ZER1: variants seen among roughly 807,000 people sequenced by gnomAD.
The protein encoded by ZER1 is zyg-11 related cell cycle regulator, also known as protein zer-1 homolog.
A neutral mutation model predicts 78.8 loss-of-function variants in ZER1; 11 were observed. The observed-to-expected ratio is 0.14, with a 90% CI of 0.09 to 0.23. The LOEUF (loss-of-function observed/expected upper bound fraction) is 0.23. ZER1 is among the 10% of genes least tolerant of loss of function. The pLI is 1.00. For missense variants in ZER1, 588 were observed against 996.9 expected (o/e 0.59, Z 5.52); for synonymous variants, 400 against 407.0 (o/e 0.98, Z 0.21).
rs896333297 is a variant in ZER1, at chr9:128,754,603, T to C, written c.159-644A>G. On this transcript the variant is annotated intron_variant, in intron 2 of 15. Transcript: ENST00000291900. This position sits in a 1 kb window ranked among gnomAD's most constrained non-coding sequence, Gnocchi z 4.3. The stretch of plus-strand genomic sequence containing the variant: ...CCCACGGTAAATGCTCAGGACGTTA[T>C]TACAGGTCCACCTCTGTCCTCAGGC... Among the ~76,000 whole-genome samples the C allele has an allele frequency of 6.6e-6, 1 of 152,184 alleles. No homozygotes were observed. Among genetic ancestry groups the C allele is most frequent in the Non-Finnish European group, 1.5e-5 (1 of 68,026 alleles).
chr9:128,750,391 G>C (rs1863634816), intron 8 of ZER1, among the ~76,000 whole-genome samples: 1 of 152,232 alleles, frequency 6.6e-6, no homozygotes, highest in South Asian at 2.1e-4. Flanking sequence ...AGAAGGGCAG[G>C]GTCCCTGGGC....
upstream of ZER1, chr9:128,772,367 G>C (rs965468749): frequency 7.9e-5 from 12 of 152,450 alleles, no homozygotes; most frequent in African/African-American, 2.9e-4. Flanking sequence ...TCTAGGGCAT[G>C]CGCCACCAGG....
chr9:128,759,247 T>G (rs1314788715), intron 1 of ZER1, among the ~76,000 whole-genome samples: 3 of 151,876 alleles, frequency 2.0e-5, no homozygotes, highest in African/African-American at 7.2e-5. Context: ...CTCAGCTCAC[T>G]GCAACCTCCG....
intron 8 of ZER1, 91 bp from the exon 9 acceptor site, chr9:128,742,836 G>T: frequency 7.5e-7 from 1 of 1,341,982 alleles, no homozygotes; most frequent in Non-Finnish European, 1.0e-6. Flanking sequence ...AGCTCATCCA[G>T]AGTTGTGGCA....
rs1862798952 is a variant in ZER1 at position 128,731,080 on chromosome 9, T to TC, written c.*256dup. The TC allele has an allele frequency of 5.5e-6, 1 of 180,884 alleles. No homozygotes were observed. Among genetic ancestry groups the TC allele is most frequent in the Non-Finnish European group, 1.1e-5 (1 of 88,674 alleles). The allele number at this position is 180,884 out of a possible 1,614,324, so 11.2% of individuals were successfully genotyped here. A position where few individuals can be genotyped will look rare whatever the true frequency, so the allele number is the denominator to read the frequency against. On this transcript the variant is annotated 3_prime_UTR_variant, in exon 16 of 16. Coordinates refer to ENST00000291900, the MANE Select transcript of ZER1 (RefSeq NM_006336.4). ...GAATGGCCAAGGAAGCTGCAAGGAC[T>TC]CAGGAGTGTTGCTTTTGTTTTTGCA...
chr9:128,770,583 C>A (rs866951980), intron 1 of ZER1, among the ~76,000 whole-genome samples: 22 of 152,166 alleles, frequency 1.4e-4, no homozygotes, highest in Admixed American at 2.6e-4. Context: ...AATGACAACT[C>A]CCAACTCCTT....
chr9:128,741,870 G>A (rs377602293), intron 9 of ZER1, 29 bp from the exon 10 acceptor site: 138 of 1,614,074 alleles, frequency 8.5e-5, no homozygotes, highest in Non-Finnish European at 1.1e-4. Flanking sequence ...GTCTGCTAGA[G>A]TGCTGGGGCT....
Position 128,750,671 on chromosome 9 carries a change from C to T in ZER1, c.1304G>A (p.Arg435His), listed in dbSNP as rs1455575483. 2 of 1,614,076 alleles carry T rather than the reference C, an allele frequency of 1.2e-6. No individual in the cohort carries two copies. Among genetic ancestry groups the T allele is most frequent in the African/African-American group, 2.7e-5 (2 of 74,936 alleles). The change falls in exon 8 of 16, where the codon CGC becomes CAC. Residue 435 changes from arginine to histidine, a missense_variant. By Grantham distance (29) the Arg-to-His change is conservative. Transcript: ENST00000291900. ...CAGCACCACCTGGATAACCTGCCGG[C>T]GCAGCTTCACACTCTGCTCTGAGCG... is the stretch of plus-strand genomic sequence containing the variant. The part of the protein sequence containing the change: ...EYRSEQSVKL[R>H]RQVIQVVLNG...
Position 128,753,085 on chromosome 9 carries a change from G to T in ZER1, c.746+79C>A. ...TAGCCAAGCGCTCCTGAACCCTGAG[G>T]GCGTGACAACACCCACCTCTACTCC... On this transcript the variant is annotated intron_variant, in intron 4 of 15. Transcript: ENST00000291900. The surrounding 1 kb of genome is among the most constrained non-coding windows in gnomAD (Gnocchi z 7.5). 7.2e-7 allele frequency: 1 copy of T among 1,393,614 alleles called. No homozygotes were observed. The highest frequency in any genetic ancestry group is 9.5e-7 in the Non-Finnish European group (1 of 1,049,272). 86.3% of individuals were successfully genotyped at this position (1,393,614 alleles called of 1,614,324 possible).
intron 1 of ZER1, among the ~76,000 whole-genome samples, chr9:128,768,981 T>C (rs1028494011): frequency 9.2e-5 from 14 of 152,130 alleles, no homozygotes; most frequent in Non-Finnish European, 2.1e-4. Flanking sequence ...GGTTTCCCTA[T>C]GTTCTCCAGA....
chr9:128,735,880 C>T (rs575055567), intron 13 of ZER1, among the ~76,000 whole-genome samples: 3 of 138,366 alleles, frequency 2.2e-5, no homozygotes, highest in East Asian at 2.3e-4. Context: ...TGGGTTCAAG[C>T]GATTCTCCTG....
chr9:128,754,076 TC>T lies in ZER1; in HGVS notation c.159-118del. On this transcript the variant is annotated intron_variant, in intron 2 of 15. Transcript: ENST00000291900. The surrounding 1 kb of genome is among the most constrained non-coding windows in gnomAD (Gnocchi z 4.3). ...GGATCACCCCAAGTAGCAACCTCCT[TC>T]TCCTAAGAGTATCTGGTCAGATCCT... 1 of 1,287,046 alleles carries T rather than the reference TC, an allele frequency of 7.8e-7. No individual in the cohort carries two copies. Among genetic ancestry groups the T allele is most frequent in the Non-Finnish European group, 1.1e-6 (1 of 937,264 alleles). The allele number at this position is 1,287,046 out of a possible 1,614,324, so 79.7% of individuals were successfully genotyped here.
chr9:128,742,883 G>T, intron 8 of ZER1, 138 bp from the exon 9 acceptor site: 1 of 796,568 alleles, frequency 1.3e-6, no homozygotes, highest in Non-Finnish European at 1.9e-6. Flanking sequence ...GGCTATACAA[G>T]TCTTCTCTAA....
At chr9:128,769,402 TTTTC>T (rs954299265) in intron 1 of ZER1, among the ~76,000 whole-genome samples, 21 of 151,940 alleles carry the variant, frequency 1.4e-4, no homozygotes, top group South Asian at 2.1e-4. Flanking sequence ...TTTTCTTTTC[TTTTC>T]TTTCTTTCTT....
chr9:128,768,155 A>T (rs1864274033), intron 1 of ZER1, among the ~76,000 whole-genome samples: 1 of 152,186 alleles, frequency 6.6e-6, no homozygotes, highest in Non-Finnish European at 1.5e-5. Flanking sequence ...AATCAGTTTC[A>T]GCGATTGCGC....
chr9:128,760,714 A>C (rs1564408833), intron 1 of ZER1, among the ~76,000 whole-genome samples: 1 of 151,628 alleles, frequency 6.6e-6, no homozygotes, highest in African/African-American at 2.4e-5. Context: ...AATCACTTGA[A>C]CCTGGGAGGC....
At chr9:128,735,761 G>GTT (rs1564391224) in intron 13 of ZER1, among the ~76,000 whole-genome samples, 3 of 26,828 alleles carry the variant, frequency 1.1e-4, no homozygotes, top group African/African-American at 3.6e-4. Flanking sequence ...GTGTGACCTG[G>GTT]TTTTTTTTTT....
At position 128,740,088 on chromosome 9, in the gene ZER1, C is replaced by T. The variant is rs1863238424; in HGVS notation, c.1885G>A (p.Glu629Lys). The stretch of plus-strand genomic sequence containing the variant: ...ACGCCGCAGGCATTGTAGGAAACCT[C>T]GATCCCATCGGCCTTGCTCTCCAAC... ...NLLESKADGI[E>K]VSYNACGVLS... Residue 629 changes from glutamate (E) to lysine (K), a missense_variant, in exon 13 of 16, where the codon GAG becomes AAG. By Grantham distance (56) the Glu-to-Lys change is moderately conservative. Coordinates refer to ENST00000291900, the MANE Select transcript of ZER1 (RefSeq NM_006336.4). The surrounding 1 kb of genome is among the most constrained non-coding windows in gnomAD (Gnocchi z 4.4). 1.2e-6 allele frequency: 2 copies of T among 1,611,806 alleles called. No individual in the cohort carries two copies. The highest frequency in any genetic ancestry group is 1.7e-6 in the Non-Finnish European group (2 of 1,178,224).
chr9:128,751,464 G>T lies in ZER1; in HGVS notation c.987C>A (p.Leu329=), dbSNP rs369344756. The T allele has an allele frequency of 6.2e-7, 1 of 1,614,124 alleles. No individual in the cohort carries two copies. The highest frequency in any genetic ancestry group is 8.5e-7 in the Non-Finnish European group (1 of 1,180,022). The part of the protein sequence containing the change: ...FRALKRPLQF[L]GLFENSLCRL... ...GGCACAGAGAGTTCTCAAAGAGCCCGAGGAACTGCAGCGGCCTCTTCAGAG... is the reference window on the plus strand; with the variant it reads ...GGCACAGAGAGTTCTCAAAGAGCCCTAGGAACTGCAGCGGCCTCTTCAGAG... Residue 329 remains leucine (L), a synonymous_variant, in exon 6 of 16, where the codon CTC becomes CTA. Coordinates refer to ENST00000291900, the MANE Select transcript of ZER1 (RefSeq NM_006336.4). The surrounding 1 kb of genome is among the most constrained non-coding windows in gnomAD (Gnocchi z 5.4).
Sources: gnomAD v4.1 joint callset for allele counts (sites outside exome capture counted in the v4.1 genomes callset) on GRCh38, gnomAD v4.1.1 for gene constraint, Gnocchi (gnomAD v3.1) non-coding constraint, MANE v1.5 for transcripts, NCBI Gene and HGNC (gene_info 2026-07-23, HGNC 2026-07-21) for gene names.